Variants in PROM1 observed in about 807,000 individuals in gnomAD.
The protein encoded by PROM1 is prominin 1.
Under a neutral mutation model 116.9 loss-of-function variants are expected in PROM1, and 105 were observed. The observed-to-expected ratio is 0.90, with a 90% CI of 0.77 to 1.06. PROM1 has a LOEUF of 1.06. Among genes scored for constraint, PROM1 ranks in the 50% least tolerant of loss-of-function variants. PROM1 has a pLI of 0.00. For synonymous variants in PROM1, 393 were observed against 387.0 expected, an observed-to-expected ratio of 1.02 and a Z score of -0.18; for missense variants, 1,122 against 1,045.2, an observed-to-expected ratio of 1.07 and a Z score of -1.01.
chr4:16,066,671 G>GGC (rs1369803734), intron 2 of PROM1, among the ~76,000 whole-genome samples: 2 of 152,262 alleles, frequency 1.3e-5, no homozygotes, highest in African/African-American at 2.4e-5. Flanking sequence ...ACTTCTCTAG[G>GGC]GGTAAATCTC....
intron 9 of PROM1, 137 bp from the exon 10 acceptor site, chr4:16,016,377 TAG>T (rs1560492449): frequency 5.7e-6 from 4 of 701,938 alleles, no homozygotes; most frequent in Non-Finnish European, 9.2e-6. Flanking sequence ...TTTTGAACAA[TAG>T]AGTTTTATTT....
chr4:16,044,019 A>G (rs1282056181), intron 2 of PROM1, among the ~76,000 whole-genome samples: 2 of 152,126 alleles, frequency 1.3e-5, no homozygotes, highest in East Asian at 3.9e-4. Context: ...GCAGTTTCTC[A>G]CTACACTTCA....
intron 2 of PROM1, among the ~76,000 whole-genome samples, chr4:16,074,982 C>A (rs1170667055): frequency 6.6e-6 from 1 of 152,170 alleles, no homozygotes; most frequent in African/African-American, 2.4e-5. Flanking sequence ...GGTGCCAAAC[C>A]CTAGTAGCAG....
chr4:15,992,041 G>T (rs1349122214), intron 17 of PROM1, among the ~76,000 whole-genome samples: 4 of 151,988 alleles, frequency 2.6e-5, no homozygotes, highest in African/African-American at 7.3e-5. Flanking sequence ...GTTTGCTTTA[G>T]GGTGATGAAA....
intron 27 of PROM1, among the ~76,000 whole-genome samples, chr4:15,970,521 T>C (rs773330487): frequency 2.0e-5 from 3 of 151,954 alleles, no homozygotes; most frequent in Non-Finnish European, 4.4e-5. Flanking sequence ...AAAAATTTTA[T>C]TTTTTTAATA....
intron 2 of PROM1, among the ~76,000 whole-genome samples, chr4:16,039,878 A>C (rs1026568610): frequency 5.9e-5 from 9 of 152,122 alleles, no homozygotes; most frequent in African/African-American, 1.9e-4. Flanking sequence ...TGGGACCAAA[A>C]AAGACTAAGA....
In PROM1 at chr4:16,022,748, T is replaced by C. The variant is rs185294028; in HGVS notation, c.784+578A>G. Among the ~76,000 whole-genome samples the C allele has an allele frequency of 3.3e-5, 5 of 152,348 alleles. No homozygotes were observed. In the East Asian group the frequency reaches 9.6e-4, roughly 29 times the overall value. On this transcript the variant is annotated intron_variant, in intron 8 of 27. Coordinates refer to ENST00000447510, the MANE Select transcript of PROM1 (RefSeq NM_006017.3). Reference sequence around the variant, plus strand: ...TTTCATTACAGTGGAGCATGCAGTTTATTAAAATCAGTATATCTGTCACTT... The same window carrying C: ...TTTCATTACAGTGGAGCATGCAGTTCATTAAAATCAGTATATCTGTCACTT...
chr4:16,066,658 G>C (rs1276193615), intron 2 of PROM1, among the ~76,000 whole-genome samples: 1 of 152,112 alleles, frequency 6.6e-6, no homozygotes, highest in Non-Finnish European at 1.5e-5. Context: ...ACACTTTCCC[G>C]CCACTTCTCT....
At chr4:16,008,562 C>T (rs1302495510) in intron 12 of PROM1, among the ~76,000 whole-genome samples, 2 of 152,222 alleles carry the variant, frequency 1.3e-5, no homozygotes, top group Non-Finnish European at 2.9e-5. Context: ...GCTTTAAAAT[C>T]TCATTACATG....
chr4:15,999,021 C>T (rs1479884370), intron 14 of PROM1, among the ~76,000 whole-genome samples: 1 of 152,038 alleles, frequency 6.6e-6, no homozygotes, highest in African/African-American at 2.4e-5. Flanking sequence ...TGAGCCACCA[C>T]GCCGAGAACT....
In PROM1 at chr4:15,979,398, G is replaced by A. The variant is rs373688106; in HGVS notation, c.2579C>T (p.Thr860Ile). 14 of 1,613,552 alleles carry A rather than the reference G, an allele frequency of 8.7e-6. No individual in the cohort carries two copies. In the African/African-American group the frequency reaches 1.6e-4, roughly 18 times the overall value. Residue 860 changes from threonine to isoleucine, a missense_variant, in exon 26 of 28, where the codon ACA becomes ATA. By Grantham distance (89) the Thr-to-Ile change is moderately conservative. Transcript: ENST00000447510. ...GCACTTCCAGACTTTGCTTTACCTT[G>A]TCATAACAGGATTGTGAATACCATA... is the stretch of plus-strand genomic sequence containing the variant. ...HVYGIHNPVM[T>I]SPSQH
At chr4:16,073,316 C>A (rs9684286) in intron 2 of PROM1, among the ~76,000 whole-genome samples, 118,495 of 152,128 alleles carry the variant, frequency 0.78, 46,301 homozygotes, top group Non-Finnish European at 0.82. Flanking sequence ...ATATATAGGA[C>A]TCAATCATGC....
At chr4:16,032,150 C>T (rs200181254) in intron 5 of PROM1, among the ~76,000 whole-genome samples, 1 of 148,404 alleles carries the variant, frequency 6.7e-6, no homozygotes, top group South Asian at 2.1e-4. Context: ...CCTTCCTGAT[C>T]TTTTTTTTTT....
At chr4:16,005,438 A>T (rs1192858052) in intron 13 of PROM1, among the ~76,000 whole-genome samples, 1 of 151,728 alleles carries the variant, frequency 6.6e-6, no homozygotes, top group African/African-American at 2.4e-5. Context: ...ATTTATAATC[A>T]TAGCTTGTAA....
intron 13 of PROM1, among the ~76,000 whole-genome samples, chr4:16,005,751 T>C (rs1038085008): frequency 1.2e-4 from 18 of 152,148 alleles, no homozygotes; most frequent in Admixed American, 9.2e-4. Flanking sequence ...CACTCCCTAC[T>C]GCTGATTCTT....
At chr4:16,050,981 G>A (rs935207563) in intron 2 of PROM1, among the ~76,000 whole-genome samples, 4 of 152,202 alleles carry the variant, frequency 2.6e-5, no homozygotes, top group Non-Finnish European at 5.9e-5. Flanking sequence ...AAGACAGATA[G>A]TAAACAAAAT....
Position 16,027,319 on chromosome 4 carries a change from C to CACACACACACAT in PROM1, c.510-2008_510-2007insATGTGTGTGTGT, listed in dbSNP as rs1321833822. On this transcript the variant is annotated intron_variant, in intron 5 of 27. Coordinates refer to ENST00000447510, the MANE Select transcript of PROM1 (RefSeq NM_006017.3). ...AGAAACACACACACACACACACACA[C>CACACACACACAT]ACACAAAAGTTGAGTCAGCAATGCA... Among the ~76,000 whole-genome samples the CACACACACACAT allele has an allele frequency of 2.7e-3, 416 of 152,080 alleles. 2 individuals are homozygous for CACACACACACAT. The highest frequency in any genetic ancestry group is 9.5e-3 in the African/African-American group (396 of 41,468).
chr4:16,004,022 C>G lies in PROM1; in HGVS notation c.1454+2516G>C, dbSNP rs370921115. Among the ~76,000 whole-genome samples the G allele has an allele frequency of 4.9e-4, 75 of 152,268 alleles. 1 individual carries two copies. The highest frequency in any genetic ancestry group is 1.8e-3 in the African/African-American group (74 of 41,562). On this transcript the variant is annotated intron_variant, in intron 13 of 27. Transcript: ENST00000447510. Reference sequence around the variant, plus strand: ...CTACACATACTCTTTCTGGTTTCTACAAGCAAGTAAACAGTTTTAAAAAAA... The same window carrying G: ...CTACACATACTCTTTCTGGTTTCTAGAAGCAAGTAAACAGTTTTAAAAAAA...
At chr4:16,014,279 G>A (rs368026182) in intron 10 of PROM1, among the ~76,000 whole-genome samples, 42 of 152,244 alleles carry the variant, frequency 2.8e-4, no homozygotes, top group Admixed American at 1.4e-3. Context: ...CATGACTTCC[G>A]TTTCCTCCAA....
Sources: gnomAD v4.1 joint callset for allele counts (sites outside exome capture counted in the v4.1 genomes callset) on GRCh38, gnomAD v4.1.1 for gene constraint, MANE v1.5 for transcripts, NCBI Gene and HGNC (gene_info 2026-07-23, HGNC 2026-07-21) for gene names.